The following CYTH4 variants were observed in gnomAD, a reference collection of about 807,000 sequenced individuals.
The protein encoded by CYTH4 is cytohesin 4.
CYTH4 carries 22 observed loss-of-function variants against 57.5 expected under a neutral mutation model. That is an observed-to-expected ratio of 0.38 (90% CI 0.27 to 0.55). CYTH4 has a LOEUF of 0.55. Among genes scored for constraint, CYTH4 ranks in the 20% least tolerant of loss-of-function variants. The pLI is 0.74. For synonymous variants in CYTH4, 186 were observed against 206.5 expected (o/e 0.90, Z 0.85); for missense variants, 420 against 535.6 (o/e 0.78, Z 2.13).
chr22:37,288,712 G>A (rs1928643084), intron 1 of CYTH4, among the ~76,000 whole-genome samples: 1 of 152,220 alleles, frequency 6.6e-6, no homozygotes, highest in African/African-American at 2.4e-5. Context: ...ACACAGTGGT[G>A]GTAGATTTAG....
intron 8 of CYTH4, 91 bp from the exon 9 acceptor site, chr22:37,309,121 C>A: frequency 9.3e-7 from 1 of 1,078,500 alleles, no homozygotes; most frequent in Non-Finnish European, 1.4e-6. Context: ...AGGTGAGTGA[C>A]CTGCTCAAGG....
At chr22:37,300,132 T>G (rs199980995) in intron 6 of CYTH4, 3 of 717,640 alleles carry the variant, frequency 4.2e-6, no homozygotes, top group Non-Finnish European at 7.8e-6. Context: ...TAGTAAGTCT[T>G]GATGCTGCTT....
At position 37,314,073 on chromosome 22, in the gene CYTH4, G is replaced by T; in HGVS notation, c.*562G>T. 3.0e-6 allele frequency: 1 copy of T among 330,328 alleles called. No homozygotes were observed. The highest frequency in any genetic ancestry group is 7.8e-4 in the Middle Eastern group (1 of 1,282). 20.5% of individuals were successfully genotyped at this position (330,328 alleles called of 1,614,324 possible). A position where few individuals can be genotyped will look rare whatever the true frequency, so the allele number is the denominator to read the frequency against. Reference sequence around the variant, plus strand: ...AGGACCCCGGGACAGAACCCCGGGAGCACTGCCCTAGGAGCCCGGACCCCA... The same window carrying T: ...AGGACCCCGGGACAGAACCCCGGGATCACTGCCCTAGGAGCCCGGACCCCA... On this transcript the variant is annotated 3_prime_UTR_variant, in exon 13 of 13. Coordinates refer to ENST00000248901, the MANE Select transcript of CYTH4 (RefSeq NM_013385.5).
intron 2 of CYTH4, among the ~76,000 whole-genome samples, chr22:37,294,398 G>A (rs547376796): frequency 6.6e-6 from 1 of 151,916 alleles, no homozygotes; most frequent in East Asian, 1.9e-4. Flanking sequence ...GGGGCTTGGG[G>A]AATCCCACTC....
At chr22:37,299,979 A>T (rs1807349871) in intron 6 of CYTH4, 1 of 702,098 alleles carries the variant, frequency 1.4e-6, no homozygotes. Context: ...CAACAGAGTG[A>T]GGCTCTGTCT....
chr22:37,309,316 C>A lies in CYTH4; in HGVS notation c.801C>A (p.Leu267=). The A allele has an allele frequency of 3.1e-6, 5 of 1,614,030 alleles. No homozygotes were observed. The highest frequency in any genetic ancestry group is 4.2e-6 in the Non-Finnish European group (5 of 1,179,914). ...FFNPDREGWL[L]KLGGRVKTWK... ...ATCCAGACCGGGAGGGTTGGCTGCT[C>A]AAGCTAGGTGAGAGACCGACAGACA... Residue 267 remains leucine, a synonymous_variant, in exon 9 of 13, where the codon CTC becomes CTA. Transcript: ENST00000248901.
chr22:37,297,180 T>A (rs1016918688), intron 4 of CYTH4, among the ~76,000 whole-genome samples: 2 of 152,182 alleles, frequency 1.3e-5, no homozygotes, highest in African/African-American at 2.4e-5. Context: ...TGTGAAAGAA[T>A]GAAACGCTAT....
In CYTH4 at chr22:37,299,433, C is replaced by G. The variant is rs920318377; in HGVS notation, c.434+127C>G. The G allele has an allele frequency of 1.6e-5, 14 of 855,466 alleles. No individual in the cohort carries two copies. The East Asian group carries it at 3.1e-4, about 19-fold the overall frequency. The allele number at this position is 855,466 out of a possible 1,614,324, so 53.0% of individuals were successfully genotyped here. ...GGAGCAAAGAAGAGGAGGCAAGGAA[C>G]AAGAATGACTTCATGATAGTACTGC... On this transcript the variant is annotated intron_variant, in intron 6 of 12. Coordinates refer to ENST00000248901, the MANE Select transcript of CYTH4 (RefSeq NM_013385.5).
At chr22:37,312,709 G>A (rs1367363810) in intron 12 of CYTH4, among the ~76,000 whole-genome samples, 1 of 152,230 alleles carries the variant, frequency 6.6e-6, no homozygotes, top group Non-Finnish European at 1.5e-5. Flanking sequence ...GGGCACTGGG[G>A]AGCCATAGAC....
At chr22:37,310,862 T>A in intron 9 of CYTH4, 126 bp from the exon 10 acceptor site, 1 of 890,054 alleles carries the variant, frequency 1.1e-6, no homozygotes. Flanking sequence ...GGAGGTGTGG[T>A]GGACGAAGTT....
intron 8 of CYTH4, among the ~76,000 whole-genome samples, chr22:37,304,894 G>A (rs1384789030): frequency 6.6e-6 from 1 of 152,132 alleles, no homozygotes. Context: ...AATGTTACGG[G>A]CAGAGCCTGT....
chr22:37,288,336 C>T (rs780346360), intron 1 of CYTH4, among the ~76,000 whole-genome samples: 1 of 151,958 alleles, frequency 6.6e-6, no homozygotes, highest in African/African-American at 2.4e-5. Flanking sequence ...CCCTTGAGCC[C>T]GGGAGGCAGA....
chr22:37,291,438 T>C (rs1928745331), intron 1 of CYTH4, among the ~76,000 whole-genome samples: 1 of 152,196 alleles, frequency 6.6e-6, no homozygotes, highest in Non-Finnish European at 1.5e-5. Context: ...TTGTAAAACC[T>C]TTAAGAAATG....
chr22:37,304,332 G>A (rs1322656887), intron 8 of CYTH4: 1 of 451,712 alleles, frequency 2.2e-6, no homozygotes, highest in Admixed American at 2.4e-5. Flanking sequence ...GGGGCCAGAG[G>A]GTCCAGGGCT....
At chr22:37,310,398 A>G (rs1432805227) in intron 9 of CYTH4, among the ~76,000 whole-genome samples, 1 of 152,282 alleles carries the variant, frequency 6.6e-6, no homozygotes, top group South Asian at 2.1e-4. Context: ...GATGGGGAGA[A>G]TGATCTCTGG....
intron 1 of CYTH4, among the ~76,000 whole-genome samples, chr22:37,287,631 C>T: frequency 6.6e-6 from 1 of 152,088 alleles, no homozygotes; most frequent in East Asian, 1.9e-4. Context: ...TCTGCATCTC[C>T]ACACAGGTGG....
At chr22:37,308,375 G>GTGCATGTATATTGTCAGTGTGCA (rs1379235671) in intron 8 of CYTH4, among the ~76,000 whole-genome samples, 5 of 151,804 alleles carry the variant, frequency 3.3e-5, no homozygotes, top group Non-Finnish European at 7.4e-5. Context: ...GTATATATGT[G>GTGCATGTATATTGTCAGTGTGCA]TGCATGTATA....
At chr22:37,303,673 G>A (rs1423340304) in intron 8 of CYTH4, among the ~76,000 whole-genome samples, 2 of 152,226 alleles carry the variant, frequency 1.3e-5, no homozygotes, top group Admixed American at 1.3e-4. Context: ...GCCTTTGGGG[G>A]ACTCTAGGCA....
intron 2 of CYTH4, among the ~76,000 whole-genome samples, chr22:37,293,304 G>A (rs1928817855): frequency 6.6e-6 from 1 of 152,204 alleles, no homozygotes; most frequent in Non-Finnish European, 1.5e-5. Flanking sequence ...TCACTCAGCT[G>A]CTGTTTCATT....
Sources: allele counts gnomAD v4.1 joint callset (sites outside exome capture counted in the v4.1 genomes callset), GRCh38; gene constraint gnomAD v4.1.1; transcripts MANE v1.5; gene names NCBI Gene and HGNC (gene_info 2026-07-23, HGNC 2026-07-21).